Variants in DLGAP2 observed in about 807,000 individuals in gnomAD.
DLGAP2 encodes DLG associated protein 2, also known as disks large-associated protein 2.
DLGAP2 carries 26 observed loss-of-function variants against 100.3 expected under a neutral mutation model. The observed-to-expected ratio is 0.26, with a 90% CI of 0.19 to 0.36. The LOEUF (loss-of-function observed/expected upper bound fraction) is 0.36. Ranked by LOEUF, DLGAP2 falls within the 10% of genes least tolerant of loss-of-function variation. The pLI is 1.00. For synonymous variants in DLGAP2, 886 were observed against 630.1 expected (o/e 1.41, Z -6.08); for missense variants, 1,858 against 1,453.2 (o/e 1.28, Z -4.53).
intron 3 of DLGAP2, among the ~76,000 whole-genome samples, chr8:1,383,707 C>A (rs1450223101): frequency 6.6e-6 from 1 of 152,158 alleles, no homozygotes; most frequent in Non-Finnish European, 1.5e-5. Flanking sequence ...TCTGTAAGGT[C>A]AGTGAAAACT....
At chr8:1,217,142 G>T (rs1798230846) in intron 2 of DLGAP2, among the ~76,000 whole-genome samples, 1 of 152,072 alleles carries the variant, frequency 6.6e-6, no homozygotes, top group African/African-American at 2.4e-5. Flanking sequence ...CCCAGTATCT[G>T]TTGCTCCCCT....
At chr8:1,040,886 C>T (rs1043776199) in intron 2 of DLGAP2, among the ~76,000 whole-genome samples, 1 of 152,146 alleles carries the variant, frequency 6.6e-6, no homozygotes, top group Non-Finnish European at 1.5e-5. Flanking sequence ...CAGCACGCAC[C>T]CTCATTCCTG....
intron 3 of DLGAP2, among the ~76,000 whole-genome samples, chr8:1,358,658 GA>G (rs1262903815): frequency 6.6e-6 from 1 of 152,170 alleles, no homozygotes; most frequent in Non-Finnish European, 1.5e-5. Context: ...CCGTGGTGAA[GA>G]AGGCTTCTGA....
chr8:838,604 A>G (rs1173828275), intron 1 of DLGAP2, among the ~76,000 whole-genome samples: 3 of 152,148 alleles, frequency 2.0e-5, no homozygotes, highest in African/African-American at 7.2e-5. Context: ...AGCTTGGACA[A>G]GTGCTCAGGG....
intron 4 of DLGAP2, among the ~76,000 whole-genome samples, chr8:1,541,325 G>A (rs1367637854): frequency 6.6e-6 from 1 of 152,152 alleles, no homozygotes; most frequent in South Asian, 2.1e-4. Context: ...GCATGACTCA[G>A]ATTAAAATGG....
Position 1,409,375 on chromosome 8 carries a change from G to T in DLGAP2, c.107-91991G>T, listed in dbSNP as rs150279624. On this transcript the variant is annotated intron_variant, in intron 3 of 14. Coordinates refer to ENST00000637795, the MANE Select transcript of DLGAP2 (RefSeq NM_001346810.2). ...GCCCAACTCCTTCCTCACCGTAGGC[G>T]CCCAGCTCTCCTTGGCAGTCCTGGT... Among the ~76,000 whole-genome samples the T allele has an allele frequency of 3.9e-3, 591 of 152,308 alleles. 8 individuals are homozygous for T. Among genetic ancestry groups the T allele is most frequent in the African/African-American group, 0.013 (556 of 41,552 alleles).
chr8:1,459,798 G>C (rs141072776), intron 3 of DLGAP2, among the ~76,000 whole-genome samples: 2 of 146,336 alleles, frequency 1.4e-5, no homozygotes, highest in East Asian at 4.2e-4. Flanking sequence ...CAATTATCCT[G>C]TGTCAGCCTC....
Position 1,506,001 on chromosome 8 carries a change from C to G in DLGAP2, c.172+4570C>G, listed in dbSNP as rs1182349058. On this transcript the variant is annotated intron_variant, in intron 4 of 14. Transcript: ENST00000637795. ...CACATATTATATATGCAGCACAACA[C>G]TGAGAAAATGTACACACTGTGTAAT... is the stretch of plus-strand genomic sequence containing the variant. Among the ~76,000 whole-genome samples the G allele has an allele frequency of 3.3e-5, 5 of 152,262 alleles. No individual in the cohort carries two copies. In the East Asian group the frequency reaches 9.6e-4, roughly 29 times the overall value.
At chr8:1,686,361 G>A (rs1046889247) in intron 12 of DLGAP2, among the ~76,000 whole-genome samples, 12 of 152,190 alleles carry the variant, frequency 7.9e-5, no homozygotes, top group Non-Finnish European at 2.9e-5. Flanking sequence ...TAAACACTGC[G>A]TAATCTCACT....
At chr8:1,449,021 T>C (rs1798062839) in intron 3 of DLGAP2, among the ~76,000 whole-genome samples, 1 of 152,188 alleles carries the variant, frequency 6.6e-6, no homozygotes, top group Non-Finnish European at 1.5e-5. Context: ...TAGGCTGTGA[T>C]GGGGAGGCTC....
chr8:1,328,331 A>G (rs190903681), intron 3 of DLGAP2, among the ~76,000 whole-genome samples: 6 of 147,382 alleles, frequency 4.1e-5, no homozygotes, highest in Admixed American at 3.4e-4. Context: ...TATTATTATT[A>G]TTTTTGAGAT....
At chr8:1,624,170 A>T (rs1797430522) in intron 6 of DLGAP2, among the ~76,000 whole-genome samples, 1 of 152,238 alleles carries the variant, frequency 6.6e-6, no homozygotes, top group Admixed American at 6.5e-5. Context: ...GTTAAAATGC[A>T]AAACGGTGGT....
At chr8:1,195,866 G>C (rs2116742512) in intron 2 of DLGAP2, among the ~76,000 whole-genome samples, 1 of 152,298 alleles carries the variant, frequency 6.6e-6, no homozygotes, top group African/African-American at 2.4e-5. Flanking sequence ...TTCCAAATGA[G>C]GGTCATTTTT....
intron 2 of DLGAP2, among the ~76,000 whole-genome samples, chr8:1,178,323 G>C (rs1797305778): frequency 6.6e-6 from 1 of 152,204 alleles, no homozygotes; most frequent in South Asian, 2.1e-4. Flanking sequence ...TGCGCTTGGA[G>C]AGAGTGTCTG....
intron 2 of DLGAP2, among the ~76,000 whole-genome samples, chr8:1,052,616 G>T (rs926453313): frequency 2.0e-5 from 3 of 152,156 alleles, no homozygotes; most frequent in African/African-American, 7.2e-5. Flanking sequence ...ATGGCTGGGG[G>T]ATCATTAGCT....
intron 3 of DLGAP2, among the ~76,000 whole-genome samples, chr8:1,306,483 T>C (rs1177825621): frequency 2.0e-5 from 3 of 152,188 alleles, no homozygotes; most frequent in African/African-American, 7.2e-5. Context: ...TTGAAAGGCT[T>C]ACTGTTGTTA....
chr8:1,376,111 G>A (rs1232209155), intron 3 of DLGAP2, among the ~76,000 whole-genome samples: 1 of 143,980 alleles, frequency 6.9e-6, no homozygotes, highest in African/African-American at 2.7e-5. Context: ...ACCTCTCCAC[G>A]ACCTCAGAAC....
intron 3 of DLGAP2, among the ~76,000 whole-genome samples, chr8:1,334,760 C>T (rs369779018): frequency 1.3e-5 from 2 of 152,264 alleles, no homozygotes; most frequent in East Asian, 3.9e-4. Flanking sequence ...CTCATACCAC[C>T]GAGAAGCCAT....
At chr8:1,383,899 T>A (rs1441733978) in intron 3 of DLGAP2, among the ~76,000 whole-genome samples, 1 of 152,054 alleles carries the variant, frequency 6.6e-6, no homozygotes, top group Admixed American at 6.5e-5. Flanking sequence ...GGCGGTGGAC[T>A]CTGACAGGAA....
Sources: allele counts gnomAD v4.1 joint callset (sites outside exome capture counted in the v4.1 genomes callset), GRCh38; gene constraint gnomAD v4.1.1; transcripts MANE v1.5; gene names NCBI Gene and HGNC (gene_info 2026-07-23, HGNC 2026-07-21).